CSGALNACT1: variants seen among roughly 807,000 people sequenced by gnomAD.
The protein encoded by CSGALNACT1 is beta4GalNAcT-1.
In CSGALNACT1, 52 loss-of-function variants were observed where a neutral mutation model predicts 51.0. That is an observed-to-expected ratio of 1.02 (90% CI 0.82 to 1.29). The LOEUF (loss-of-function observed/expected upper bound fraction) is 1.29. Ranked by LOEUF, CSGALNACT1 falls within the 50% of genes most tolerant of loss-of-function variation. CSGALNACT1 has a pLI of 0.00. For missense variants in CSGALNACT1, 935 were observed against 679.2 expected, an observed-to-expected ratio of 1.38 and a Z score of -4.19; for synonymous variants, 341 against 254.4, an observed-to-expected ratio of 1.34 and a Z score of -3.24.
At chr8:19,529,782 T>C (rs1046843696) in intron 3 of CSGALNACT1, among the ~76,000 whole-genome samples, 1 of 152,184 alleles carries the variant, frequency 6.6e-6, no homozygotes, top group African/African-American at 2.4e-5. Context: ...GTGCAGTACT[T>C]GTGTATAACC....
At position 19,422,466 on chromosome 8, in the gene CSGALNACT1, A is replaced by T. The variant is rs1470378762; in HGVS notation, c.954-1948T>A. On this transcript the variant is annotated intron_variant, in intron 6 of 9. Coordinates refer to ENST00000454498, the Ensembl canonical transcript of CSGALNACT1. ...CCAAAGTGCTAGGATTACAGGCATG[A>T]GATACCACACCTGGACAAGACTCTA... 2.0e-5 allele frequency among the ~76,000 whole-genome samples: 3 copies of T among 152,186 alleles called. No homozygotes were observed. In the East Asian group the frequency reaches 5.8e-4, roughly 29 times the overall value.
intron 1 of CSGALNACT1, among the ~76,000 whole-genome samples, chr8:19,614,004 G>T (rs929345415): frequency 2.0e-5 from 3 of 152,136 alleles, no homozygotes; most frequent in Admixed American, 2.0e-4. Context: ...AAGTGACTCT[G>T]GAAAATGCCG....
At chr8:19,573,795 G>C (rs542775259) in intron 3 of CSGALNACT1, among the ~76,000 whole-genome samples, 1 of 152,292 alleles carries the variant, frequency 6.6e-6, no homozygotes, top group Non-Finnish European at 1.5e-5. Context: ...GGATGTATAA[G>C]GCTTCTCTCT....
chr8:19,421,910 C>A (rs955003253), intron 6 of CSGALNACT1, among the ~76,000 whole-genome samples: 2 of 152,060 alleles, frequency 1.3e-5, no homozygotes, highest in Non-Finnish European at 2.9e-5. Flanking sequence ...GAGCACTGGT[C>A]TAGGAGTCTG....
chr8:19,518,971 G>T (rs1044799396), intron 3 of CSGALNACT1, among the ~76,000 whole-genome samples: 1 of 152,172 alleles, frequency 6.6e-6, no homozygotes, highest in African/African-American at 2.4e-5. Context: ...CTGATAAAAT[G>T]ATCCTTGTAC....
At chr8:19,578,518 G>A (rs1166287681) in intron 3 of CSGALNACT1, among the ~76,000 whole-genome samples, 1 of 152,176 alleles carries the variant, frequency 6.6e-6, no homozygotes, top group African/African-American at 2.4e-5. Flanking sequence ...GTATTTGGGG[G>A]TAGCTTAGCC....
chr8:19,727,520 T>C (rs1301167080), intron 1 of CSGALNACT1, among the ~76,000 whole-genome samples: 1 of 152,094 alleles, frequency 6.6e-6, no homozygotes, highest in Non-Finnish European at 1.5e-5. Flanking sequence ...TGGCTAAATT[T>C]TTGTATTTTG....
intron 2 of CSGALNACT1, among the ~76,000 whole-genome samples, chr8:19,600,339 C>G (rs1448551583): frequency 1.3e-5 from 2 of 152,178 alleles, no homozygotes; most frequent in Non-Finnish European, 2.9e-5. Flanking sequence ...TTCGGTCTCC[C>G]AAAGTGCTGG....
chr8:19,537,526 C>T lies in CSGALNACT1; in HGVS notation c.-296-31396G>A, dbSNP rs115853178. Among the ~76,000 whole-genome samples, 1,284 of 152,274 alleles carry T rather than the reference C, an allele frequency of 8.4e-3. 17 individuals are homozygous for T. The highest frequency in any genetic ancestry group is 0.029 in the African/African-American group (1,197 of 41,550). ...TGACCACCCCACTCAGCATAAATTC[C>T]TGTTCCCTTTACCCCTCACTCAAAG... On this transcript the variant is annotated intron_variant, in intron 3 of 9. Transcript: ENST00000454498.
intron 1 of CSGALNACT1, among the ~76,000 whole-genome samples, chr8:19,649,921 G>C (rs2057649714): frequency 1.4e-5 from 2 of 144,128 alleles, no homozygotes; most frequent in South Asian, 4.5e-4. Flanking sequence ...TTCTGGTAGG[G>C]AATACATTCA....
At chr8:19,427,824 T>C (rs1471521608) in intron 6 of CSGALNACT1, among the ~76,000 whole-genome samples, 1 of 151,922 alleles carries the variant, frequency 6.6e-6, no homozygotes, top group Non-Finnish European at 1.5e-5. Context: ...GGTGGCAATC[T>C]TAACACCATG....
chr8:19,429,904 A>G (rs940766408), intron 6 of CSGALNACT1, among the ~76,000 whole-genome samples: 3 of 152,202 alleles, frequency 2.0e-5, no homozygotes, highest in African/African-American at 7.2e-5. Flanking sequence ...TGACTTGTGG[A>G]TTACAGCCAT....
intron 1 of CSGALNACT1, among the ~76,000 whole-genome samples, chr8:19,670,650 C>CAAAAAAAAAAAAAAAAA (rs752256046): frequency 9.7e-5 from 9 of 92,840 alleles, no homozygotes; most frequent in East Asian, 4.7e-4. Flanking sequence ...CTACTGAAGA[C>CAAAAAAAAAAAAAAAAA]AAAAAAAAAA....
At chr8:19,733,223 G>C (rs894193053) in intron 1 of CSGALNACT1, among the ~76,000 whole-genome samples, 10 of 152,132 alleles carry the variant, frequency 6.6e-5, no homozygotes, top group African/African-American at 2.4e-4. Flanking sequence ...AGAAATATGA[G>C]TTAAATAAGA....
chr8:19,493,530 G>A (rs530385363), intron 4 of CSGALNACT1, among the ~76,000 whole-genome samples: 1 of 152,088 alleles, frequency 6.6e-6, no homozygotes, highest in African/African-American at 2.4e-5. Flanking sequence ...GCAAACACTC[G>A]TCTATTCTCT....
chr8:19,624,703 G>C (rs1379515820), intron 1 of CSGALNACT1, among the ~76,000 whole-genome samples: 1 of 150,606 alleles, frequency 6.6e-6, no homozygotes, highest in African/African-American at 2.5e-5. Context: ...TCTTGAGACA[G>C]AGTCTCGCTC....
chr8:19,491,080 C>T (rs1301492875), intron 4 of CSGALNACT1, among the ~76,000 whole-genome samples: 1 of 99,944 alleles, frequency 1.0e-5, no homozygotes, highest in Non-Finnish European at 2.1e-5. Flanking sequence ...AATTCTACCA[C>T]TCAGGAAAAA....
chr8:19,690,813 T>C (rs1238762493), intron 1 of CSGALNACT1, among the ~76,000 whole-genome samples: 1 of 152,162 alleles, frequency 6.6e-6, no homozygotes, highest in Non-Finnish European at 1.5e-5. Context: ...AACGGGTAAT[T>C]TGGGAAATTA....
At chr8:19,585,667 C>T (rs894013148) in intron 3 of CSGALNACT1, among the ~76,000 whole-genome samples, 7 of 152,324 alleles carry the variant, frequency 4.6e-5, no homozygotes, top group African/African-American at 1.7e-4. Context: ...CCTGGCTTCT[C>T]ACAGCATGGT....
Sources: allele counts gnomAD v4.1 joint callset (sites outside exome capture counted in the v4.1 genomes callset), GRCh38; gene constraint gnomAD v4.1.1; transcripts MANE v1.5; gene names NCBI Gene and HGNC (gene_info 2026-07-23, HGNC 2026-07-21).